CDH12: variants seen among roughly 807,000 people sequenced by gnomAD.
CDH12 encodes cadherin 12.
A neutral mutation model predicts 74.1 loss-of-function variants in CDH12; 41 were observed. The ratio of observed to expected loss-of-function variants is 0.55; its 90% CI spans 0.43 to 0.72. The LOEUF (loss-of-function observed/expected upper bound fraction) is 0.72, where lower values mean the gene tolerates loss of function less well. Among genes scored for constraint, CDH12 ranks in the 30% least tolerant of loss-of-function variants. The pLI is 0.00. For synonymous variants in CDH12, 399 were observed against 355.0 expected (o/e 1.12, Z -1.39); for missense variants, 945 against 977.2 (o/e 0.97, Z 0.44).
chr5:22,680,162 T>C (rs1381438718), intron 1 of CDH12, among the ~76,000 whole-genome samples: 2 of 152,058 alleles, frequency 1.3e-5, no homozygotes, highest in African/African-American at 4.8e-5. Flanking sequence ...GCTTGGCTTC[T>C]GGAGTTGGAG....
intron 5 of CDH12, among the ~76,000 whole-genome samples, chr5:21,987,661 G>A (rs1757573331): frequency 6.6e-6 from 1 of 152,216 alleles, no homozygotes; most frequent in African/African-American, 2.4e-5. Context: ...TGAGGGAAGT[G>A]CAAATTTGGT....
At chr5:22,028,470 GACAA>G (rs1421574781) in intron 5 of CDH12, among the ~76,000 whole-genome samples, 1 of 152,028 alleles carries the variant, frequency 6.6e-6, no homozygotes. Flanking sequence ...ACCAATAACG[GACAA>G]ACAGAGAGCC....
chr5:21,874,916 G>A (rs1751848579), intron 6 of CDH12, among the ~76,000 whole-genome samples: 1 of 152,112 alleles, frequency 6.6e-6, no homozygotes, highest in Non-Finnish European at 1.5e-5. Flanking sequence ...GAATTCTTGA[G>A]GACAAGAACC....
At chr5:22,498,915 T>C (rs1747220746) in intron 2 of CDH12, among the ~76,000 whole-genome samples, 1 of 142,172 alleles carries the variant, frequency 7.0e-6, no homozygotes, top group Non-Finnish European at 1.5e-5. Context: ...TTTTTTTTTT[T>C]TTTTTTGTGA....
intron 1 of CDH12, among the ~76,000 whole-genome samples, chr5:22,608,987 G>A (rs1273328757): frequency 3.3e-5 from 5 of 152,132 alleles, no homozygotes; most frequent in African/African-American, 1.2e-4. Context: ...AAGGGAACCT[G>A]GAAGGGCATT....
chr5:22,505,876 T>G (rs1305828233), intron 1 of CDH12, among the ~76,000 whole-genome samples: 1 of 152,116 alleles, frequency 6.6e-6, no homozygotes, highest in Non-Finnish European at 1.5e-5. Flanking sequence ...TATGGTTTTT[T>G]GGGAGGAGGA....
intron 3 of CDH12, among the ~76,000 whole-genome samples, chr5:22,390,626 T>C (rs1275051366): frequency 2.1e-5 from 3 of 143,454 alleles, no homozygotes; most frequent in South Asian, 4.5e-4. Context: ...AGATAGATGA[T>C]AGAATATTTT....
chr5:22,303,487 G>A (rs1205737490), intron 3 of CDH12, among the ~76,000 whole-genome samples: 2 of 151,934 alleles, frequency 1.3e-5, no homozygotes, highest in Admixed American at 6.6e-5. Context: ...TTTTCTAACT[G>A]GGGAGTGAGG....
intron 4 of CDH12, among the ~76,000 whole-genome samples, chr5:22,118,564 TTATGTCATGTGTGAAAGG>T: frequency 6.6e-6 from 1 of 152,036 alleles, no homozygotes; most frequent in South Asian, 2.1e-4. Flanking sequence ...TTTAGTCTCT[TTATGTCATGTGTGAAAGG>T]TATATACCTT....
In CDH12 at chr5:22,210,916, T is replaced by C. The variant is rs552031334; in HGVS notation, c.-187+1582A>G. Among the ~76,000 whole-genome samples the C allele has an allele frequency of 6.6e-5, 10 of 152,162 alleles. No individual in the cohort carries two copies. In the South Asian group the frequency reaches 1.7e-3, roughly 25 times the overall value. On this transcript the variant is annotated intron_variant, in intron 4 of 14. Coordinates refer to ENST00000382254, the MANE Select transcript of CDH12 (RefSeq NM_004061.5). ...CTTCTCTCAATTATCTTTAATTCTA[T>C]TGAGAAATCATCTCCCCAGGGAAAA...
intron 2 of CDH12, among the ~76,000 whole-genome samples, chr5:22,489,133 C>T (rs1746744013): frequency 7.6e-6 from 1 of 132,280 alleles, no homozygotes; most frequent in African/African-American, 2.9e-5. Flanking sequence ...TCTCGGCTCA[C>T]TGCAAGCTCC....
intron 6 of CDH12, among the ~76,000 whole-genome samples, chr5:21,934,241 A>G (rs1262240166): frequency 2.0e-5 from 3 of 152,158 alleles, no homozygotes; most frequent in Non-Finnish European, 2.9e-5. Flanking sequence ...ATTGGATCAT[A>G]GGGGCAGAGT....
At chr5:22,705,902 C>T (rs1020123554) in intron 1 of CDH12, among the ~76,000 whole-genome samples, 11 of 151,788 alleles carry the variant, frequency 7.2e-5, no homozygotes, top group Non-Finnish European at 2.9e-5. Context: ...TATATATATA[C>T]AAAATGCTAT....
chr5:22,628,337 A>G (rs1333175399), intron 1 of CDH12, among the ~76,000 whole-genome samples: 1 of 152,166 alleles, frequency 6.6e-6, no homozygotes, highest in Non-Finnish European at 1.5e-5. Context: ...AAAGTTGACT[A>G]CACAATCAGC....
At chr5:22,149,826 C>T (rs1280323135) in intron 4 of CDH12, among the ~76,000 whole-genome samples, 4 of 151,954 alleles carry the variant, frequency 2.6e-5, no homozygotes, top group Non-Finnish European at 5.9e-5. Context: ...GAAACCCTGT[C>T]TCCACTAAAA....
intron 4 of CDH12, among the ~76,000 whole-genome samples, chr5:22,103,908 T>A (rs1245062149): frequency 6.6e-6 from 1 of 152,132 alleles, no homozygotes; most frequent in African/African-American, 2.4e-5. Context: ...TCAAGTTAGG[T>A]TTTTGGCAAT....
chr5:22,569,815 A>C (rs572939829), intron 1 of CDH12, among the ~76,000 whole-genome samples: 1 of 152,072 alleles, frequency 6.6e-6, no homozygotes, highest in Non-Finnish European at 1.5e-5. Context: ...TTCCTCTACT[A>C]AAGTCTTGAA....
chr5:21,974,552 A>T (rs966086528), intron 6 of CDH12, among the ~76,000 whole-genome samples: 1 of 152,092 alleles, frequency 6.6e-6, no homozygotes, highest in African/African-American at 2.4e-5. Context: ...GACATTATTC[A>T]TTTGCTGCTT....
intron 6 of CDH12, chr5:21,882,931 C>G: frequency 6.2e-7 from 1 of 1,602,098 alleles, no homozygotes; most frequent in East Asian, 2.2e-5. Flanking sequence ...GATGGCACTA[C>G]CACTGCTACT....
Sources: allele counts gnomAD v4.1 joint callset (sites outside exome capture counted in the v4.1 genomes callset), GRCh38; gene constraint gnomAD v4.1.1; transcripts MANE v1.5; gene names NCBI Gene and HGNC (gene_info 2026-07-23, HGNC 2026-07-21).